Variants in ZMYND8 observed in about 807,000 individuals in gnomAD.
ZMYND8 encodes MYND-type zinc finger-containing chromatin reader ZMYND8.
Under a neutral mutation model 140.8 loss-of-function variants are expected in ZMYND8, and 37 were observed. That is an observed-to-expected ratio of 0.26 (90% CI 0.20 to 0.35). ZMYND8 has a LOEUF of 0.35. Ranked by LOEUF, ZMYND8 falls within the 10% of genes least tolerant of loss-of-function variation. ZMYND8 has a pLI of 1.00. For missense variants in ZMYND8, 1,068 were observed against 1,570.0 expected, an observed-to-expected ratio of 0.68 and a Z score of 5.40; for synonymous variants, 592 against 597.1, an observed-to-expected ratio of 0.99 and a Z score of 0.12.
chr20:47,215,509 T>TC (rs1427165225), intron 21 of ZMYND8, among the ~76,000 whole-genome samples: 1 of 114,710 alleles, frequency 8.7e-6, no homozygotes, highest in East Asian at 2.2e-4. Flanking sequence ...TGAAACAACT[T>TC]TTTTTTTTTT....
In ZMYND8 at chr20:47,221,407, C is replaced by A. The variant is rs1052783828; in HGVS notation, c.3324G>T (p.Gly1108=). ...GTGCTGATTGTGTGCTCGAGGAGCT[C>A]CCCTGGGAGGACTTATTTAGTGTTT... ...NTETLNKSSQ[G]SSSSTQSAPS... The change falls in exon 20 of 23, where the codon GGG becomes GGT. Residue 1108 remains glycine (G), a synonymous_variant. Coordinates refer to ENST00000471951, the MANE Select transcript of ZMYND8 (RefSeq NM_001281775.3). 1.2e-6 allele frequency: 2 copies of A among 1,614,068 alleles called. No individual in the cohort carries two copies. Among genetic ancestry groups the A allele is most frequent in the Admixed American group, 3.3e-5 (2 of 59,992 alleles).
intron 22 of ZMYND8, 140 bp downstream of exon 22, chr20:47,212,501 GT>G: frequency 1.1e-6 from 1 of 914,844 alleles, no homozygotes; most frequent in Non-Finnish European, 1.8e-6. Flanking sequence ...AAGAAGAAAC[GT>G]TGCAAAGGAA....
intron 19 of ZMYND8, among the ~76,000 whole-genome samples, chr20:47,222,307 G>C: frequency 6.6e-6 from 1 of 152,264 alleles, no homozygotes; most frequent in Non-Finnish European, 1.5e-5. Flanking sequence ...AGGCTGAGGC[G>C]GGCAGATCAC....
At chr20:47,345,720 G>A (rs1242280855) in intron 2 of ZMYND8, among the ~76,000 whole-genome samples, 2 of 151,836 alleles carry the variant, frequency 1.3e-5, no homozygotes, top group Non-Finnish European at 2.9e-5. Context: ...TGTTGCCCAG[G>A]CTGGTCTCGA....
intron 2 of ZMYND8, among the ~76,000 whole-genome samples, chr20:47,325,440 G>A (rs1347021016): frequency 1.3e-5 from 2 of 152,146 alleles, no homozygotes; most frequent in East Asian, 3.9e-4. Context: ...ACCTGACTCA[G>A]CAAACTCCAG....
intron 11 of ZMYND8, among the ~76,000 whole-genome samples, chr20:47,267,925 C>A (rs1364913510): frequency 6.6e-6 from 1 of 152,172 alleles, no homozygotes; most frequent in South Asian, 2.1e-4. Context: ...ATCACCTCCT[C>A]GAAGGCCTCC....
chr20:47,221,800 G>A lies in ZMYND8; in HGVS notation c.3257-326C>T, dbSNP rs551644299. ...TCTTGTCTCAGCCCACCAAGTAGCT[G>A]GGACTCAGGTGCACACCACCATGTC... On this transcript the variant is annotated intron_variant, in intron 19 of 22. Coordinates refer to ENST00000471951, the MANE Select transcript of ZMYND8 (RefSeq NM_001281775.3). Among the ~76,000 whole-genome samples, 13 of 152,270 alleles carry A rather than the reference G, an allele frequency of 8.5e-5. No individual in the cohort carries two copies. In the South Asian group the frequency reaches 2.7e-3, roughly 32 times the overall value.
intron 3 of ZMYND8, among the ~76,000 whole-genome samples, chr20:47,307,592 G>A (rs1337051750): frequency 1.3e-5 from 2 of 152,186 alleles, no homozygotes; most frequent in Non-Finnish European, 2.9e-5. Context: ...AGGGTAGGCT[G>A]GGCACAGTGG....
intron 1 of ZMYND8, chr20:47,354,572 A>T (rs2083065446): frequency 6.6e-6 from 1 of 152,204 alleles, no homozygotes; most frequent in Non-Finnish European, 1.5e-5. Flanking sequence ...GACTTTTCTC[A>T]ACTTAGAATG....
At chr20:47,276,293 G>A (rs111420213) in intron 11 of ZMYND8, 21 bp downstream of exon 11, 22 of 1,501,814 alleles carry the variant, frequency 1.5e-5, no homozygotes, top group African/African-American at 7.0e-5. Flanking sequence ...CCTCCTCCCC[G>A]CTCCCCCGCA....
At chr20:47,356,461 A>G in intron 1 of ZMYND8, 196 bp downstream of exon 1, 1 of 1,558,302 alleles carries the variant, frequency 6.4e-7, no homozygotes, top group South Asian at 1.2e-5. Flanking sequence ...AGTTTGCAAA[A>G]TCAAGCTATG....
At chr20:47,295,890 C>T (rs1284424755) in intron 4 of ZMYND8, among the ~76,000 whole-genome samples, 1 of 152,188 alleles carries the variant, frequency 6.6e-6, no homozygotes, top group Non-Finnish European at 1.5e-5. Flanking sequence ...CTTTAACCAT[C>T]TGTGTAGGGA....
intron 7 of ZMYND8, among the ~76,000 whole-genome samples, chr20:47,288,357 T>C (rs890289397): frequency 1.3e-5 from 2 of 151,958 alleles, no homozygotes; most frequent in African/African-American, 4.8e-5. Flanking sequence ...GCGGGGCCTT[T>C]CTATATATTT....
chr20:47,246,568 C>T lies in ZMYND8; in HGVS notation c.1775-51G>A, dbSNP rs748298598. On this transcript the variant is annotated intron_variant, in intron 13 of 22. Coordinates refer to ENST00000471951, the MANE Select transcript of ZMYND8 (RefSeq NM_001281775.3). The stretch of plus-strand genomic sequence containing the variant: ...TGTGGCGTAGTCACAAAATAAAGAG[C>T]AGGATGAAAAATGCAAACATTTTTC... 3 of 1,518,896 alleles carry T rather than the reference C, an allele frequency of 2.0e-6. No individual in the cohort carries two copies. The South Asian group carries it at 3.9e-5, about 20-fold the overall frequency. The allele number at this position is 1,518,896 out of a possible 1,614,324, so 94.1% of individuals were successfully genotyped here. A position where few individuals can be genotyped will look rare whatever the true frequency, so the allele number is the denominator to read the frequency against.
At chr20:47,217,290 C>T (rs1328136156) in intron 21 of ZMYND8, among the ~76,000 whole-genome samples, 2 of 152,166 alleles carry the variant, frequency 1.3e-5, no homozygotes, top group African/African-American at 4.8e-5. Flanking sequence ...TGAGTTACAA[C>T]AATTTTATAG....
At chr20:47,325,949 T>C (rs1035317573) in intron 2 of ZMYND8, among the ~76,000 whole-genome samples, 8 of 151,968 alleles carry the variant, frequency 5.3e-5, no homozygotes, top group African/African-American at 1.9e-4. Context: ...TTTTATTTTA[T>C]TTTATTTATT....
intron 2 of ZMYND8, among the ~76,000 whole-genome samples, chr20:47,321,074 G>C (rs1287570312): frequency 2.0e-5 from 3 of 152,162 alleles, no homozygotes; most frequent in African/African-American, 7.2e-5. Context: ...AGTAAACGCT[G>C]GACTCCTCTG....
At chr20:47,337,287 G>C (rs1025249579) in intron 2 of ZMYND8, among the ~76,000 whole-genome samples, 3 of 152,112 alleles carry the variant, frequency 2.0e-5, no homozygotes, top group Non-Finnish European at 2.9e-5. Context: ...AGGAGGCGGA[G>C]GCTGCAGTAA....
chr20:47,283,536 C>A, intron 9 of ZMYND8, 35 bp downstream of exon 9: 1 of 1,610,906 alleles, frequency 6.2e-7, no homozygotes, highest in South Asian at 1.1e-5. Flanking sequence ...GCACAGGGTT[C>A]AGTAAATGAA....
Sources: allele counts gnomAD v4.1 joint callset (sites outside exome capture counted in the v4.1 genomes callset), GRCh38; gene constraint gnomAD v4.1.1; transcripts MANE v1.5; gene names NCBI Gene and HGNC (gene_info 2026-07-23, HGNC 2026-07-21).